Variants in SAMD12 observed in about 807,000 individuals in gnomAD.
SAMD12 encodes sterile alpha motif domain containing 12.
SAMD12 carries 9 observed loss-of-function variants against 15.0 expected under a neutral mutation model. The ratio of observed to expected loss-of-function variants is 0.60; its 90% CI spans 0.36 to 1.05. SAMD12 has a LOEUF of 1.05. Among genes scored for constraint, SAMD12 ranks in the 50% least tolerant of loss-of-function variants. The probability of loss-of-function intolerance (pLI) is 0.01; values close to 1 mark genes in which losing one functional copy is unlikely to be tolerated. For synonymous variants in SAMD12, 86 were observed against 90.1 expected (o/e 0.96, Z 0.25); for missense variants, 230 against 234.2 (o/e 0.98, Z 0.12).
chr8:118,209,415 G>A (rs1261627776), intron 4 of SAMD12, among the ~76,000 whole-genome samples: 1 of 152,164 alleles, frequency 6.6e-6, no homozygotes, highest in Non-Finnish European at 1.5e-5. Flanking sequence ...TTCCATTGAG[G>A]AAAGAGTTAT....
intron 4 of SAMD12, among the ~76,000 whole-genome samples, chr8:118,273,590 C>T (rs562305020): frequency 2.0e-5 from 3 of 152,282 alleles, no homozygotes; most frequent in South Asian, 4.2e-4. Flanking sequence ...GAAGGTACAG[C>T]TCAGAGTTCG....
intron 4 of SAMD12, among the ~76,000 whole-genome samples, chr8:118,296,424 G>T (rs1296879047): frequency 6.6e-6 from 1 of 152,166 alleles, no homozygotes; most frequent in East Asian, 1.9e-4. Context: ...TGCCAGGTTG[G>T]CCTCTTCTCT....
intron 2 of SAMD12, among the ~76,000 whole-genome samples, chr8:118,441,379 A>G (rs1009016607): frequency 4.6e-5 from 7 of 152,124 alleles, no homozygotes; most frequent in Non-Finnish European, 8.8e-5. Context: ...AATGGTGCAG[A>G]TGGTGAGAGA....
At chr8:118,155,643 T>G in the SAMD12 span, among the ~76,000 whole-genome samples, 1 of 152,214 alleles carries the variant, frequency 6.6e-6, no homozygotes, top group Non-Finnish European at 1.5e-5. Flanking sequence ...AGAGCCTCAG[T>G]GTATTACTGT....
chr8:118,258,074 TGA>T (rs573388109), intron 4 of SAMD12, among the ~76,000 whole-genome samples: 138 of 152,236 alleles, frequency 9.1e-4, no homozygotes, highest in African/African-American at 3.2e-3. Context: ...AGGCAGATGC[TGA>T]GAGTCTTGAC....
At chr8:118,160,016 G>A in the SAMD12 span, among the ~76,000 whole-genome samples, 5,094 of 152,140 alleles carry the variant, frequency 0.033, 112 homozygotes, top group Non-Finnish European at 0.052. Context: ...CACTGCGCCC[G>A]GCCCATAACA....
At chr8:118,304,020 C>T (rs1014512810) in intron 4 of SAMD12, among the ~76,000 whole-genome samples, 3 of 152,204 alleles carry the variant, frequency 2.0e-5, no homozygotes, top group African/African-American at 7.2e-5. Context: ...TCTCTGTTCA[C>T]ATGGTACCCA....
At chr8:118,561,990 A>T (rs1415616564) in intron 2 of SAMD12, among the ~76,000 whole-genome samples, 2 of 152,232 alleles carry the variant, frequency 1.3e-5, no homozygotes, top group Non-Finnish European at 2.9e-5. Context: ...TGAGTATAAA[A>T]GAAAAAAATT....
chr8:118,391,553 T>G (rs755913895), intron 3 of SAMD12, among the ~76,000 whole-genome samples: 2 of 152,194 alleles, frequency 1.3e-5, no homozygotes, highest in Admixed American at 1.3e-4. Flanking sequence ...AATGTTCACA[T>G]GCCAAAGAGA....
At chr8:118,147,813 G>A in the SAMD12 span, among the ~76,000 whole-genome samples, 1 of 152,120 alleles carries the variant, frequency 6.6e-6, no homozygotes, top group Non-Finnish European at 1.5e-5. Flanking sequence ...GTGGAGTGGT[G>A]CAATAAGCTC....
intron 2 of SAMD12, among the ~76,000 whole-genome samples, chr8:118,470,284 T>G (rs1169022502): frequency 6.6e-6 from 1 of 152,046 alleles, no homozygotes; most frequent in Non-Finnish European, 1.5e-5. Context: ...TATGTTCATG[T>G]ATTACTTAGG....
chr8:118,391,150 C>T (rs905438499), intron 3 of SAMD12, among the ~76,000 whole-genome samples: 13 of 151,966 alleles, frequency 8.6e-5, no homozygotes, highest in Admixed American at 3.9e-4. Context: ...TTTTAAAAAC[C>T]CTAAAAGATT....
intron 4 of SAMD12, chr8:118,284,253 A>T: frequency 1.3e-5 from 6 of 455,346 alleles, no homozygotes; most frequent in Middle Eastern, 3.3e-4. Context: ...CAATCAGCCA[A>T]TCCCTTTGTC....
At chr8:118,321,926 T>C (rs938113813) in intron 4 of SAMD12, among the ~76,000 whole-genome samples, 14 of 152,212 alleles carry the variant, frequency 9.2e-5, no homozygotes, top group Non-Finnish European at 4.4e-5. Flanking sequence ...ACTCACTCAA[T>C]ACCCTTGGCC....
At chr8:118,375,164 C>T (rs4876816), downstream of SAMD12, among the ~76,000 whole-genome samples, 35,586 of 151,934 alleles carry the variant, frequency 0.23, 4,320 homozygotes, top group Admixed American at 0.27. Context: ...CTCTATTATA[C>T]GGTTTCTACA....
chr8:118,591,227 A>AT (rs1162783009), intron 1 of SAMD12, among the ~76,000 whole-genome samples: 1 of 35,588 alleles, frequency 2.8e-5, no homozygotes, highest in Non-Finnish European at 5.8e-5. Flanking sequence ...GATATATTTT[A>AT]TTTTTCAAAG....
chr8:118,146,977 C>T, the SAMD12 span, among the ~76,000 whole-genome samples: 1 of 152,138 alleles, frequency 6.6e-6, no homozygotes, highest in Admixed American at 6.5e-5. Context: ...AAATGGTTCA[C>T]ACTTGATTTT....
intron 4 of SAMD12, among the ~76,000 whole-genome samples, chr8:118,204,537 G>A (rs1445398757): frequency 5.3e-5 from 8 of 152,072 alleles, no homozygotes; most frequent in African/African-American, 1.9e-4. Context: ...GGCAGATCAC[G>A]AGGTCAGAAG....
chr8:118,188,343 A>G (rs1166525901), downstream of SAMD12, among the ~76,000 whole-genome samples: 1 of 152,166 alleles, frequency 6.6e-6, no homozygotes, highest in Non-Finnish European at 1.5e-5. Context: ...AGGTGGCTCC[A>G]TTTTCCAAGT....
Sources: gnomAD v4.1 joint callset for allele counts (sites outside exome capture counted in the v4.1 genomes callset) on GRCh38, gnomAD v4.1.1 for gene constraint, MANE v1.5 for transcripts, NCBI Gene and HGNC (gene_info 2026-07-23, HGNC 2026-07-21) for gene names.